Variants in ZNF407 observed in about 807,000 individuals in gnomAD.
The protein encoded by ZNF407 is zinc finger protein 407.
Under a neutral mutation model 131.2 loss-of-function variants are expected in ZNF407, and 17 were observed. The observed-to-expected ratio is 0.13, with a 90% CI of 0.09 to 0.19. The LOEUF (loss-of-function observed/expected upper bound fraction) is 0.19. Among genes scored for constraint, ZNF407 ranks in the 10% least tolerant of loss-of-function variants. The pLI, the probability that ZNF407 is intolerant of heterozygous loss-of-function variation, is 1.00. For missense variants in ZNF407, 2,681 were observed against 2,830.6 expected (o/e 0.95, Z 1.20); for synonymous variants, 1,156 against 1,062.0 (o/e 1.09, Z -1.72).
intron 3 of ZNF407, among the ~76,000 whole-genome samples, chr18:74,700,727 A>C (rs900252329): frequency 6.6e-6 from 1 of 152,228 alleles, no homozygotes; most frequent in Non-Finnish European, 1.5e-5. Context: ...AGAGGAGAGA[A>C]GTATAATTGG....
intron 3 of ZNF407, among the ~76,000 whole-genome samples, chr18:74,725,496 C>T (rs1403704667): frequency 1.3e-5 from 2 of 152,156 alleles, no homozygotes; most frequent in African/African-American, 2.4e-5. Context: ...TTTAGTATAT[C>T]ACTTTTTTTG....
intron 8 of ZNF407, among the ~76,000 whole-genome samples, chr18:74,939,559 A>G (rs1972074566): frequency 6.6e-6 from 1 of 152,226 alleles, no homozygotes; most frequent in Non-Finnish European, 1.5e-5. Context: ...AGTATATGCA[A>G]AAATGCTTAA....
intron 3 of ZNF407, among the ~76,000 whole-genome samples, chr18:74,671,111 C>G (rs1986124939): frequency 6.6e-6 from 1 of 152,212 alleles, no homozygotes; most frequent in Non-Finnish European, 1.5e-5. Flanking sequence ...GTCCCCACCT[C>G]CCCACAGACA....
chr18:74,687,350 A>C (rs1272793412), intron 3 of ZNF407, among the ~76,000 whole-genome samples: 1 of 152,156 alleles, frequency 6.6e-6, no homozygotes, highest in African/African-American at 2.4e-5. Context: ...CCTATGCCTC[A>C]AACAAACAAA....
intron 3 of ZNF407, among the ~76,000 whole-genome samples, chr18:74,676,615 T>A (rs1433371585): frequency 2.0e-5 from 3 of 147,780 alleles, no homozygotes; most frequent in Admixed American, 6.8e-5. Context: ...TTTGTATTTT[T>A]AGTAGAGACG....
At chr18:74,740,192 G>T (rs572591839) in intron 3 of ZNF407, among the ~76,000 whole-genome samples, 7 of 152,198 alleles carry the variant, frequency 4.6e-5, no homozygotes, top group Admixed American at 4.6e-4. Flanking sequence ...GTTTCTGGTG[G>T]CTGACAGCAT....
intron 3 of ZNF407, among the ~76,000 whole-genome samples, chr18:74,723,652 C>G (rs1968090788): frequency 6.6e-6 from 1 of 152,114 alleles, no homozygotes; most frequent in African/African-American, 2.4e-5. Flanking sequence ...CTTATTCTCC[C>G]ATGTCTGTTG....
intron 8 of ZNF407, among the ~76,000 whole-genome samples, chr18:74,934,128 C>T (rs1972012780): frequency 6.6e-6 from 1 of 152,014 alleles, no homozygotes; most frequent in African/African-American, 2.4e-5. Flanking sequence ...AGTAGCATGT[C>T]AGTGTGATTG....
chr18:74,825,545 A>T (rs945835978), intron 4 of ZNF407, among the ~76,000 whole-genome samples: 2 of 152,232 alleles, frequency 1.3e-5, no homozygotes, highest in African/African-American at 4.8e-5. Context: ...AAACTTATTT[A>T]GATTGTTAAA....
intron 3 of ZNF407, among the ~76,000 whole-genome samples, chr18:74,772,522 T>G (rs898406264): frequency 1.3e-5 from 2 of 152,234 alleles, no homozygotes; most frequent in African/African-American, 4.8e-5. Flanking sequence ...TTTCAGTTGA[T>G]GCATAATATT....
intron 1 of ZNF407, among the ~76,000 whole-genome samples, chr18:74,627,901 G>A (rs988224762): frequency 7.4e-6 from 1 of 134,746 alleles, no homozygotes; most frequent in Non-Finnish European, 1.5e-5. Flanking sequence ...TCGAGACAGG[G>A]TCTCACTCTG....
chr18:74,755,759 TTCTTTCTTTCTTTC>T (rs1407255594), intron 3 of ZNF407, among the ~76,000 whole-genome samples: 27 of 126,084 alleles, frequency 2.1e-4, no homozygotes, highest in Non-Finnish European at 3.2e-4. Context: ...CTTTCTTTCT[TTCTTTCTTTCTTTC>T]TCTCTCTCTC....
rs11340257 is a variant in ZNF407 at position 74,763,705 on chromosome 18, A to AT, written c.4803-17701dup. 3.3e-3 allele frequency among the ~76,000 whole-genome samples: 231 copies of AT among 70,152 alleles called. 4 individuals carry two copies. Among genetic ancestry groups the AT allele is most frequent in the African/African-American group, 0.01 (200 of 19,170 alleles). 46.0% of individuals were successfully genotyped at this position (70,152 alleles called of 152,430 possible). A position where few individuals can be genotyped will look rare whatever the true frequency, so the allele number is the denominator to read the frequency against. Reference sequence around the variant, plus strand: ...AAATCTGTTGTCATTCTTATCTTTGATTTTTTTTTTTTTTTTTTTTTTGAG... The same window carrying AT: ...AAATCTGTTGTCATTCTTATCTTTGATTTTTTTTTTTTTTTTTTTTTTTGAG... On this transcript the variant is annotated intron_variant, in intron 3 of 8. Coordinates refer to ENST00000299687, the MANE Select transcript of ZNF407 (RefSeq NM_017757.3).
intron 8 of ZNF407, among the ~76,000 whole-genome samples, chr18:75,045,363 T>A (rs1223108386): frequency 1.3e-5 from 2 of 152,210 alleles, no homozygotes; most frequent in Non-Finnish European, 2.9e-5. Flanking sequence ...ACTCAACTTG[T>A]CTGAGTGTTT....
intron 4 of ZNF407, among the ~76,000 whole-genome samples, chr18:74,873,168 A>G (rs573282701): frequency 1.3e-5 from 2 of 152,338 alleles, no homozygotes; most frequent in East Asian, 3.9e-4. Flanking sequence ...TAATCCTATA[A>G]TCATAATTCA....
At chr18:74,902,234 C>T (rs905702664) in intron 7 of ZNF407, among the ~76,000 whole-genome samples, 1 of 152,174 alleles carries the variant, frequency 6.6e-6, no homozygotes, top group Non-Finnish European at 1.5e-5. Flanking sequence ...AGGGACCGTG[C>T]CTGGGCCGGG....
intron 3 of ZNF407, among the ~76,000 whole-genome samples, chr18:74,700,549 TC>T (rs1242873842): frequency 1.3e-5 from 2 of 152,146 alleles, no homozygotes; most frequent in Non-Finnish European, 2.9e-5. Flanking sequence ...CAGTTCTCTC[TC>T]CCTTGATCCC....
rs1984691891 is a variant in ZNF407, at chr18:74,641,090, T to G, written c.4770T>G (p.Leu1590=). The change falls in exon 3 of 9, where the codon CTT becomes CTG. Residue 1590 remains leucine, a synonymous_variant. Transcript: ENST00000299687. ...CCAGAAACCATGTGAAAAGGCACCT[T>G]GGGATGAGGGAATACAAGTGTCATG... The part of the protein sequence containing the change: ...GDARNHVKRH[L]GMREYKCHVC... The G allele has an allele frequency of 1.2e-6, 2 of 1,613,348 alleles. No homozygotes were observed. The highest frequency in any genetic ancestry group is 1.7e-6 in the Non-Finnish European group (2 of 1,179,422).
Position 74,635,241 on chromosome 18 carries a change from A to G in ZNF407, c.4222A>G (p.Ile1408Val). The change falls in exon 2 of 9, where the codon ATT becomes GTT. Residue 1408 changes from isoleucine (I) to valine (V), a missense_variant. Coordinates refer to ENST00000299687, the MANE Select transcript of ZNF407 (RefSeq NM_017757.3). The surrounding 1 kb of genome is among the most constrained non-coding windows in gnomAD (Gnocchi z 4.7). ...VKKKKSEGSS[I>V]GESTRIRCDD... Reference sequence around the variant, plus strand: ...AAAGAAGAAATCTGAGGGCAGTTCCATTGGTGAGTCTACACGAATTCGCTG... The same window carrying G: ...AAAGAAGAAATCTGAGGGCAGTTCCGTTGGTGAGTCTACACGAATTCGCTG... 1 of 1,613,956 alleles carries G rather than the reference A, an allele frequency of 6.2e-7. No individual in the cohort carries two copies. The highest frequency in any genetic ancestry group is 1.1e-5 in the South Asian group (1 of 91,074).
Sources: gnomAD v4.1 joint callset for allele counts (sites outside exome capture counted in the v4.1 genomes callset) on GRCh38, gnomAD v4.1.1 for gene constraint, Gnocchi (gnomAD v3.1) non-coding constraint, MANE v1.5 for transcripts, NCBI Gene and HGNC (gene_info 2026-07-23, HGNC 2026-07-21) for gene names.